The following RMDN1 variants were observed in gnomAD, a reference collection of about 807,000 sequenced individuals.
RMDN1 encodes the protein regulator of microtubule dynamics 1.
RMDN1 carries 48 observed loss-of-function variants against 48.9 expected under a neutral mutation model. That is an observed-to-expected ratio of 0.98 (90% CI 0.78 to 1.25). The LOEUF (loss-of-function observed/expected upper bound fraction) is 1.25, where lower values mean the gene tolerates loss of function less well. RMDN1 is among the 50% of genes most tolerant of loss of function. The pLI, the probability that RMDN1 is intolerant of heterozygous loss-of-function variation, is 0.00. For missense variants in RMDN1, 418 were observed against 373.4 expected (o/e 1.12, Z -0.98); for synonymous variants, 148 against 132.6 (o/e 1.12, Z -0.80).
upstream of RMDN1, chr8:86,508,832 T>G: frequency 1.6e-6 from 2 of 1,268,320 alleles, no homozygotes; most frequent in African/African-American, 1.5e-5. Context: ...TGGGACTTAA[T>G]GGACTTTCCG....
At chr8:86,486,376 AAAACTT>A (rs1815459295) in intron 4 of RMDN1, 102 bp downstream of exon 4, 1 of 766,546 alleles carries the variant, frequency 1.3e-6, no homozygotes, top group African/African-American at 1.8e-5. Flanking sequence ...AAAAGAAAAA[AAAACTT>A]AAAATAGAGA....
At chr8:86,481,573 T>C (rs529954361) in intron 5 of RMDN1, among the ~76,000 whole-genome samples, 36 of 150,574 alleles carry the variant, frequency 2.4e-4, no homozygotes, top group African/African-American at 8.3e-4. Context: ...TTTTTTTTTT[T>C]TTTTTTTTGC....
In RMDN1 at chr8:86,473,655, A is replaced by T; in HGVS notation, c.*653T>A. On this transcript the variant is annotated 3_prime_UTR_variant, in exon 10 of 10. Transcript: ENST00000406452. ...GTGGTACAACCCTGTAATCCCAGCC[A>T]CTCAGGAGGCTAAGGCAGGAGAATC... The T allele has an allele frequency of 2.8e-6, 1 of 358,522 alleles. No individual in the cohort carries two copies. Among genetic ancestry groups the T allele is most frequent in the Non-Finnish European group, 3.9e-6 (1 of 256,950 alleles). The allele number at this position is 358,522 out of a possible 1,614,324, so 22.2% of individuals were successfully genotyped here.
At chr8:86,487,811 A>C (rs190191253) in intron 3 of RMDN1, among the ~76,000 whole-genome samples, 2 of 152,278 alleles carry the variant, frequency 1.3e-5, no homozygotes, top group Non-Finnish European at 2.9e-5. Context: ...TGAATTACTA[A>C]GGGAAGAATG....
At position 86,474,285 on chromosome 8, in the gene RMDN1, C is replaced by G. The variant is rs1361391946; in HGVS notation, c.*23G>C. Reference sequence around the variant, plus strand: ...AAAAGGCAATGTTTATTAGCTATTTCATAAATCTTCTCTGAAAAGTTCTCA... The same window carrying G: ...AAAAGGCAATGTTTATTAGCTATTTGATAAATCTTCTCTGAAAAGTTCTCA... On this transcript the variant is annotated 3_prime_UTR_variant, in exon 10 of 10. Transcript: ENST00000406452. 3 of 1,612,990 alleles carry G rather than the reference C, an allele frequency of 1.9e-6. No individual in the cohort carries two copies. In the South Asian group the frequency reaches 3.3e-5, roughly 18 times the overall value.
Position 86,484,896 on chromosome 8 carries a change from T to A in RMDN1, c.561A>T (p.Ala187=), listed in dbSNP as rs774370371. The A allele has an allele frequency of 6.2e-7, 1 of 1,602,734 alleles. No homozygotes were observed. The highest frequency in any genetic ancestry group is 1.7e-5 in the Admixed American group (1 of 59,398). ...YEGIKAKIAN[A]YIIKEHFEKA... ...CCTCAAAATGCTCCTTGATGATATA[T>A]GCATTTGCAATTTTAGCCTTGATGC... is the stretch of plus-strand genomic sequence containing the variant. Residue 187 remains alanine, a synonymous_variant, in exon 5 of 10, where the codon GCA becomes GCT. Coordinates refer to ENST00000406452, the MANE Select transcript of RMDN1 (RefSeq NM_016033.3).
At chr8:86,493,015 A>C (rs919055635) in intron 2 of RMDN1, among the ~76,000 whole-genome samples, 4 of 151,930 alleles carry the variant, frequency 2.6e-5, no homozygotes, top group African/African-American at 9.7e-5. Flanking sequence ...AAAAAAAAAA[A>C]ACAGCAAATG....
rs577610283 is a variant in RMDN1, at chr8:86,477,215, T to C, written c.760+79A>G. On this transcript the variant is annotated intron_variant, in intron 8 of 9. Transcript: ENST00000406452. ...AGTATAACAGAATAAACAACTGCTT[T>C]AGACATTGCTATTATAGTATATATT... 1.8e-4 allele frequency: 190 copies of C among 1,027,496 alleles called. No homozygotes were observed. In the African/African-American group the frequency reaches 2.8e-3, roughly 15 times the overall value. The allele number at this position is 1,027,496 out of a possible 1,614,324, so 63.6% of individuals were successfully genotyped here. A position where few individuals can be genotyped will look rare whatever the true frequency, so the allele number is the denominator to read the frequency against.
At chr8:86,496,592 A>G (rs1290794220) in intron 2 of RMDN1, among the ~76,000 whole-genome samples, 1 of 152,266 alleles carries the variant, frequency 6.6e-6, no homozygotes, top group East Asian at 1.9e-4. Flanking sequence ...CATGAAGACA[A>G]CTATCCTAAA....
At chr8:86,503,394 A>AAAAAACAAAAC (rs1818727844) in intron 2 of RMDN1, among the ~76,000 whole-genome samples, 3 of 131,508 alleles carry the variant, frequency 2.3e-5, no homozygotes, top group Non-Finnish European at 4.8e-5. Context: ...AAAAAACAAA[A>AAAAAACAAAAC]AAAAATAACA....
chr8:86,507,149 A>C (rs750850821), intron 1 of RMDN1, 37 bp from the exon 2 acceptor site: 7 of 1,373,390 alleles, frequency 5.1e-6, no homozygotes, highest in Non-Finnish European at 7.2e-6. Context: ...ACAAACTTTG[A>C]AAATTTGAAG....
rs752913801 is a variant in RMDN1 at position 86,484,969 on chromosome 8, T to A, written c.496-8A>T. 4.0e-6 allele frequency: 6 copies of A among 1,501,878 alleles called. No homozygotes were observed. The African/African-American group carries it at 5.5e-5, about 14-fold the overall frequency. 93.0% of individuals were successfully genotyped at this position (1,501,878 alleles called of 1,614,324 possible). Reference sequence around the variant, plus strand: ...AAGGCAGATTGCATACCACTGAAAATTTAAAAAAGTGTAAGAACAATAATA... The same window carrying A: ...AAGGCAGATTGCATACCACTGAAAAATTAAAAAAGTGTAAGAACAATAATA... On this transcript the variant is annotated splice_region_variant and splice_polypyrimidine_tract_variant and intron_variant, in intron 4 of 9. Coordinates refer to ENST00000406452, the MANE Select transcript of RMDN1 (RefSeq NM_016033.3).
At chr8:86,480,867 A>C (rs1271901019) in intron 5 of RMDN1, among the ~76,000 whole-genome samples, 1 of 152,028 alleles carries the variant, frequency 6.6e-6, no homozygotes, top group Non-Finnish European at 1.5e-5. Context: ...CAACTTCCCC[A>C]TCTGTACTTA....
At chr8:86,494,204 G>C (rs1409946381) in intron 2 of RMDN1, among the ~76,000 whole-genome samples, 2 of 152,184 alleles carry the variant, frequency 1.3e-5, no homozygotes, top group East Asian at 3.9e-4. Flanking sequence ...ATAGACTACA[G>C]AACTCCACAG....
At chr8:86,482,714 C>G (rs559069387) in intron 5 of RMDN1, 1 of 998,416 alleles carries the variant, frequency 1.0e-6, no homozygotes, top group African/African-American at 1.6e-5. Context: ...GCTTTGGTGT[C>G]GGTTCCATCA....
intron 1 of RMDN1, among the ~76,000 whole-genome samples, chr8:86,507,647 G>A (rs1160541506): frequency 1.3e-5 from 2 of 152,098 alleles, no homozygotes; most frequent in Non-Finnish European, 2.9e-5. Flanking sequence ...CCTAAAATGG[G>A]ACTTCAAACT....
intron 2 of RMDN1, chr8:86,504,649 A>G (rs1389668374): frequency 4.2e-5 from 37 of 878,662 alleles, no homozygotes; most frequent in Non-Finnish European, 2.6e-5. Flanking sequence ...TTATTAAAGG[A>G]TGAGTATAAT....
rs147298676 is a variant in RMDN1, at chr8:86,504,453, T to C, written c.247+2542A>G. 1.9e-3 allele frequency: 2,944 copies of C among 1,558,918 alleles called. 70 individuals carry two copies. In the Admixed American group the frequency reaches 0.039, roughly 21 times the overall value. On this transcript the variant is annotated intron_variant, in intron 2 of 9. Coordinates refer to ENST00000406452, the MANE Select transcript of RMDN1 (RefSeq NM_016033.3). ...TCTCTGGAATCAATGTTGTGTTCTA[T>C]TACTCAACAGGAATCTTCAAGGATG...
intron 5 of RMDN1, 39 bp from the exon 6 acceptor site, chr8:86,480,371 TA>T (rs769220927): frequency 7.6e-5 from 89 of 1,164,100 alleles, no homozygotes; most frequent in Non-Finnish European, 9.9e-5. Flanking sequence ...ATTTGTTTTC[TA>T]AACACCAATA....
Sources: allele counts gnomAD v4.1 joint callset (sites outside exome capture counted in the v4.1 genomes callset), GRCh38; gene constraint gnomAD v4.1.1; transcripts MANE v1.5; gene names NCBI Gene and HGNC (gene_info 2026-07-23, HGNC 2026-07-21).